LAMA4: variants seen among roughly 807,000 people sequenced by gnomAD.
The protein encoded by LAMA4 is laminin subunit alpha-4.
A neutral mutation model predicts 207.1 loss-of-function variants in LAMA4; 127 were observed. The observed-to-expected ratio is 0.61, with a 90% CI of 0.53 to 0.71. The LOEUF (loss-of-function observed/expected upper bound fraction) is 0.71, where lower values mean the gene tolerates loss of function less well. LAMA4 is among the 30% of genes least tolerant of loss of function. The probability of loss-of-function intolerance (pLI) is 0.00; values close to 1 mark genes in which losing one functional copy is unlikely to be tolerated. For synonymous variants in LAMA4, 761 were observed against 816.0 expected, an observed-to-expected ratio of 0.93 and a Z score of 1.15; for missense variants, 2,093 against 2,246.5, an observed-to-expected ratio of 0.93 and a Z score of 1.38.
intron 38 of LAMA4, among the ~76,000 whole-genome samples, chr6:112,111,923 T>C (rs587668136): frequency 6.6e-6 from 1 of 152,228 alleles, no homozygotes; most frequent in Non-Finnish European, 1.5e-5. Context: ...AAGAGAAATA[T>C]CTGTTTGAAA....
chr6:112,128,445 A>T (rs1263588308), intron 31 of LAMA4, among the ~76,000 whole-genome samples: 1 of 152,128 alleles, frequency 6.6e-6, no homozygotes, highest in African/African-American at 2.4e-5. Context: ...CGGGAGGAGG[A>T]TAGGCTGAGG....
At chr6:112,148,051 C>A in intron 18 of LAMA4, 106 bp downstream of exon 18, 1 of 1,076,272 alleles carries the variant, frequency 9.3e-7, no homozygotes, top group Non-Finnish European at 1.4e-6. Flanking sequence ...CTATAATTTT[C>A]GAATCCAAAA....
At chr6:112,174,779 C>T (rs1263439338) in intron 11 of LAMA4, among the ~76,000 whole-genome samples, 2 of 152,242 alleles carry the variant, frequency 1.3e-5, no homozygotes, top group Non-Finnish European at 2.9e-5. Context: ...GCATGAGCCA[C>T]CACGCCCGGC....
At chr6:112,237,555 G>A (rs532162556) in intron 2 of LAMA4, among the ~76,000 whole-genome samples, 9 of 152,238 alleles carry the variant, frequency 5.9e-5, no homozygotes, top group East Asian at 1.9e-4. Flanking sequence ...GCAACCTCCC[G>A]CTGCTCCGGA....
At chr6:112,139,712 A>T in intron 23 of LAMA4, 40 bp downstream of exon 23, 1 of 1,608,782 alleles carries the variant, frequency 6.2e-7, no homozygotes. Context: ...CTGCTCTTGC[A>T]TGAATATCCA....
intron 6 of LAMA4, among the ~76,000 whole-genome samples, chr6:112,191,179 G>T (rs1783099156): frequency 6.6e-6 from 1 of 151,630 alleles, no homozygotes. Context: ...ACAAGGTTTT[G>T]CCATGTTTGC....
chr6:112,213,791 T>G (rs1022179122), intron 3 of LAMA4: 20 of 372,722 alleles, frequency 5.4e-5, no homozygotes, highest in Non-Finnish European at 8.1e-5. Context: ...TAGAAGCAGT[T>G]GAAGGTGAAC....
intron 2 of LAMA4, among the ~76,000 whole-genome samples, chr6:112,230,434 G>C (rs58704422): frequency 0.039 from 5,991 of 152,254 alleles, 182 homozygotes; most frequent in East Asian, 0.15. Flanking sequence ...ACCTTGCCCA[G>C]ATTATTTAAC....
chr6:112,184,166 C>T (rs1554345975), intron 9 of LAMA4, among the ~76,000 whole-genome samples: 1 of 151,812 alleles, frequency 6.6e-6, no homozygotes. Flanking sequence ...ATGATAATCT[C>T]TTAAAGGGTT....
In LAMA4 at chr6:112,132,866, C is replaced by A; in HGVS notation, c.3721G>T (p.Gly1241Ter). 6.2e-7 allele frequency: 1 copy of A among 1,613,144 alleles called. No individual in the cohort carries two copies. Among genetic ancestry groups the A allele is most frequent in the South Asian group, 1.1e-5 (1 of 91,054 alleles). The change falls in exon 28 of 39, where the codon GGA becomes TGA. Residue 1241 changes from glycine to a stop codon, truncating the protein, a stop_gained. Transcript: ENST00000230538. LOFTEE classifies it high-confidence loss of function. ...TGAATTGAAGCAATGAAGCTCTGTC[C>A]ATTGAAATATGCTCTGCGAGATATC... ...SLISRRAYFN[G>*]QSFIASIQKI...
rs376471900 is a variant in LAMA4, at chr6:112,130,029, A to G, written c.3980T>C (p.Ile1327Thr). The stretch of plus-strand genomic sequence containing the variant: ...ACTCCCAACTCTGCTTTTATCTACT[A>G]TCAGTTCATATCTGCAAAAGAAAAA... ...SSVSPTRYEL[I>T]VDKSRVGSKN... The change falls in exon 30 of 39, where the codon ATA (isoleucine) becomes ACA (threonine). Residue 1327 changes from isoleucine to threonine, a missense_variant. By Grantham distance (89) the Ile-to-Thr change is moderately conservative. Coordinates refer to ENST00000230538, the MANE Select transcript of LAMA4 (RefSeq NM_001105206.3). The G allele has an allele frequency of 1.1e-5, 17 of 1,612,596 alleles. No individual in the cohort carries two copies. Among genetic ancestry groups the G allele is most frequent in the Non-Finnish European group, 1.4e-5 (17 of 1,179,260 alleles).
intron 2 of LAMA4, among the ~76,000 whole-genome samples, chr6:112,244,927 C>G (rs1786801897): frequency 6.6e-6 from 1 of 152,152 alleles, no homozygotes; most frequent in Non-Finnish European, 1.5e-5. Context: ...TTCAGGGTGT[C>G]TATTGGCATT....
intron 32 of LAMA4, among the ~76,000 whole-genome samples, chr6:112,121,258 C>T (rs10452617): frequency 0.064 from 9,682 of 152,120 alleles, 969 homozygotes; most frequent in African/African-American, 0.22. Context: ...GCCACCCGAG[C>T]GTGTAGAAAT....
At chr6:112,225,344 A>G (rs1241799515) in intron 2 of LAMA4, among the ~76,000 whole-genome samples, 1 of 152,234 alleles carries the variant, frequency 6.6e-6, no homozygotes, top group Admixed American at 6.5e-5. Flanking sequence ...AGTTAAAGAT[A>G]AAGAATATAT....
chr6:112,119,407 C>T, intron 33 of LAMA4, 96 bp from the exon 34 acceptor site: 2 of 1,316,244 alleles, frequency 1.5e-6, no homozygotes, highest in Non-Finnish European at 1.1e-6. Flanking sequence ...TATTGCAATG[C>T]TGTGGGAAAT....
At chr6:112,133,302 G>A (rs1158278417) in intron 27 of LAMA4, 47 bp downstream of exon 27, 9 of 1,601,114 alleles carry the variant, frequency 5.6e-6, no homozygotes, top group Non-Finnish European at 7.7e-6. Context: ...TTTTGAGAGT[G>A]ATAAGTATTG....
intron 2 of LAMA4, among the ~76,000 whole-genome samples, chr6:112,221,035 C>G (rs1280319371): frequency 2.6e-5 from 4 of 152,100 alleles, no homozygotes; most frequent in Non-Finnish European, 5.9e-5. Flanking sequence ...CACTTACATA[C>G]TCGAATAGAT....
intron 2 of LAMA4, chr6:112,234,366 T>A (rs1554365307): frequency 6.6e-6 from 1 of 152,154 alleles, no homozygotes; most frequent in East Asian, 1.9e-4. Context: ...AGTAGGTTTA[T>A]GTCATAGGTT....
intron 5 of LAMA4, 59 bp downstream of exon 5, chr6:112,201,549 G>A: frequency 5.9e-6 from 8 of 1,347,544 alleles, no homozygotes; most frequent in East Asian, 2.3e-5. Flanking sequence ...GCTGTTGAGT[G>A]TGAGAAACAG....
Sources: gnomAD v4.1 joint callset for allele counts (sites outside exome capture counted in the v4.1 genomes callset) on GRCh38, gnomAD v4.1.1 for gene constraint, MANE v1.5 for transcripts, NCBI Gene and HGNC (gene_info 2026-07-23, HGNC 2026-07-21) for gene names.